The following GALNT13 variants were observed in gnomAD, a reference collection of about 807,000 sequenced individuals.
GALNT13 encodes polypeptide N-acetylgalactosaminyltransferase 13.
GALNT13 carries 28 observed loss-of-function variants against 64.2 expected under a neutral mutation model. That is an observed-to-expected ratio of 0.44 (90% CI 0.32 to 0.60). The LOEUF (loss-of-function observed/expected upper bound fraction) is 0.60. GALNT13 is among the 20% of genes least tolerant of loss of function. The pLI is 0.05. For synonymous variants in GALNT13, 214 were observed against 224.6 expected, an observed-to-expected ratio of 0.95 and a Z score of 0.42; for missense variants, 577 against 669.8, an observed-to-expected ratio of 0.86 and a Z score of 1.53.
intron 11 of GALNT13, among the ~76,000 whole-genome samples, chr2:154,421,199 G>T (rs955696506): frequency 2.0e-5 from 3 of 151,798 alleles, no homozygotes; most frequent in Non-Finnish European, 4.4e-5. Flanking sequence ...GTGAAATGAA[G>T]ATATTTGATA....
intron 9 of GALNT13, among the ~76,000 whole-genome samples, chr2:154,365,486 A>G (rs1559115447): frequency 2.0e-5 from 3 of 152,200 alleles, no homozygotes; most frequent in South Asian, 4.1e-4. Context: ...AAGTTCCACA[A>G]TTTCATCTGT....
At chr2:153,125,281 C>G in the GALNT13 span, among the ~76,000 whole-genome samples, 2 of 152,210 alleles carry the variant, frequency 1.3e-5, no homozygotes, top group Non-Finnish European at 2.9e-5. Context: ...CCACATGACA[C>G]TGTGATGCTG....
the GALNT13 span, among the ~76,000 whole-genome samples, chr2:153,789,054 TAAC>T: frequency 6.6e-6 from 1 of 152,072 alleles, no homozygotes; most frequent in Non-Finnish European, 1.5e-5. Context: ...AGCAGAAAAT[TAAC>T]AAAGATATTC....
the GALNT13 span, among the ~76,000 whole-genome samples, chr2:153,172,391 G>A: frequency 6.6e-6 from 1 of 152,126 alleles, no homozygotes; most frequent in Non-Finnish European, 1.5e-5. Flanking sequence ...TGGGGAGCTT[G>A]CCAGAAAACA....
chr2:154,053,879 C>T (rs1049507050), intron 3 of GALNT13, among the ~76,000 whole-genome samples: 3 of 152,092 alleles, frequency 2.0e-5, no homozygotes, highest in East Asian at 1.9e-4. Context: ...CTTTCAAGTG[C>T]ATCTGTTCTG....
the GALNT13 span, among the ~76,000 whole-genome samples, chr2:153,646,091 G>A: frequency 6.6e-6 from 1 of 151,878 alleles, no homozygotes; most frequent in Non-Finnish European, 1.5e-5. Flanking sequence ...GCTATTTTTG[G>A]ATATTATAGT....
the GALNT13 span, among the ~76,000 whole-genome samples, chr2:153,196,523 C>A: frequency 2.0e-5 from 3 of 152,224 alleles, no homozygotes; most frequent in South Asian, 6.2e-4. Flanking sequence ...CCTGTGGGGG[C>A]AAAGGGCCCT....
Position 154,115,429 on chromosome 2 carries a change from A to T in GALNT13, c.143-24908A>T, listed in dbSNP as rs562351352. ...TAACTAACTCATCATTTATCTATTT[A>T]TTTTTTTTTGAGATAGAGTCTCCCT... On this transcript the variant is annotated intron_variant, in intron 3 of 12. Transcript: ENST00000392825. Among the ~76,000 whole-genome samples, 41 of 150,442 alleles carry T rather than the reference A, an allele frequency of 2.7e-4. No individual in the cohort carries two copies. In the East Asian group the frequency reaches 7.2e-3, roughly 27 times the overall value.
At chr2:154,388,747 C>T (rs1408371013) in intron 9 of GALNT13, among the ~76,000 whole-genome samples, 3 of 152,010 alleles carry the variant, frequency 2.0e-5, no homozygotes, top group African/African-American at 4.8e-5. Flanking sequence ...TCATGAAGTT[C>T]ATAATTACAA....
At chr2:153,072,757 T>C in the GALNT13 span, among the ~76,000 whole-genome samples, 4 of 152,210 alleles carry the variant, frequency 2.6e-5, no homozygotes, top group South Asian at 4.1e-4. Context: ...TTGACTCTTG[T>C]AATATTCCCA....
chr2:154,196,128 CT>C (rs1439283159), intron 4 of GALNT13, among the ~76,000 whole-genome samples: 1 of 151,872 alleles, frequency 6.6e-6, no homozygotes, highest in Non-Finnish European at 1.5e-5. Flanking sequence ...TACCTCTTTA[CT>C]TCTGGACATT....
At chr2:154,349,725 G>C (rs1377414985) in intron 9 of GALNT13, among the ~76,000 whole-genome samples, 1 of 152,188 alleles carries the variant, frequency 6.6e-6, no homozygotes, top group Non-Finnish European at 1.5e-5. Context: ...TCAGATGCTG[G>C]GATGATGTCC....
intron 4 of GALNT13, among the ~76,000 whole-genome samples, chr2:154,195,860 C>T (rs1285689369): frequency 6.6e-6 from 1 of 152,092 alleles, no homozygotes; most frequent in African/African-American, 2.4e-5. Flanking sequence ...ATTCTGGTGC[C>T]CCAACCCCTG....
the GALNT13 span, among the ~76,000 whole-genome samples, chr2:153,374,652 G>A: frequency 6.6e-6 from 1 of 151,970 alleles, no homozygotes; most frequent in Non-Finnish European, 1.5e-5. Context: ...ACCCTAGACT[G>A]ACTGATAGAT....
the GALNT13 span, among the ~76,000 whole-genome samples, chr2:153,278,821 A>T: frequency 2.0e-5 from 3 of 152,014 alleles, no homozygotes; most frequent in African/African-American, 7.2e-5. Context: ...TTGCTTAGGA[A>T]TGCTTTGACT....
At chr2:154,154,026 C>T (rs1418924087) in intron 4 of GALNT13, among the ~76,000 whole-genome samples, 3 of 152,202 alleles carry the variant, frequency 2.0e-5, no homozygotes, top group Non-Finnish European at 4.4e-5. Context: ...TTCTGTGTTG[C>T]TCACGCTGGG....
the GALNT13 span, among the ~76,000 whole-genome samples, chr2:153,356,789 C>CTTTTTTTTTTTTTTTTTTT: frequency 2.5e-4 from 26 of 104,904 alleles, 13 homozygotes; most frequent in African/African-American, 4.4e-4. Flanking sequence ...TCTTCTTCCT[C>CTTTTTTTTTTTTTTTTTTT]TTTTTTTTTT....
At chr2:154,354,405 CTTTTTTTTTTTTTTTTTTTTT>C (rs546187850) in intron 9 of GALNT13, among the ~76,000 whole-genome samples, 13 of 60,360 alleles carry the variant, frequency 2.2e-4, no homozygotes, top group African/African-American at 9.0e-4. Context: ...TGATGTAGTC[CTTTTTTTTTTTTTTTTTTTTT>C]TTTTTTTTTT....
chr2:154,028,272 A>G (rs752975005), intron 3 of GALNT13, among the ~76,000 whole-genome samples: 3 of 152,162 alleles, frequency 2.0e-5, no homozygotes, highest in Admixed American at 6.6e-5. Context: ...TGCCTTTGCT[A>G]TATTGCTAAG....
Sources: gnomAD v4.1 joint callset for allele counts (sites outside exome capture counted in the v4.1 genomes callset) on GRCh38, gnomAD v4.1.1 for gene constraint, MANE v1.5 for transcripts, NCBI Gene and HGNC (gene_info 2026-07-23, HGNC 2026-07-21) for gene names.